RAB15: variants seen among roughly 807,000 people sequenced by gnomAD.
RAB15 encodes RAB15, member RAS oncogene family.
RAB15 carries 13 observed loss-of-function variants against 31.8 expected under a neutral mutation model. The ratio of observed to expected loss-of-function variants is 0.41; its 90% CI spans 0.27 to 0.65. The LOEUF is 0.65. Ranked by LOEUF, RAB15 falls within the 30% of genes least tolerant of loss-of-function variation. The pLI is 0.32. For synonymous variants in RAB15, 100 were observed against 105.6 expected, an observed-to-expected ratio of 0.95 and a Z score of 0.33; for missense variants, 220 against 277.3, an observed-to-expected ratio of 0.79 and a Z score of 1.47.
In RAB15 at chr14:64,950,564, A is replaced by G. The variant is rs913756137; in HGVS notation, c.325-150T>C. ...TGGATGCAGGTGCCAGGCTCCCCCA[A>G]GTGCCATGGCTGACCTCAAGGGTAT... On this transcript the variant is annotated intron_variant, in intron 4 of 6. Coordinates refer to ENST00000533601, the MANE Select transcript of RAB15 (RefSeq NM_001308154.2). The surrounding 1 kb of genome is among the most constrained non-coding windows in gnomAD (Gnocchi z 5.6). 2.8e-6 allele frequency: 2 copies of G among 720,718 alleles called. No homozygotes were observed. The highest frequency in any genetic ancestry group is 4.9e-6 in the Non-Finnish European group (2 of 404,692). The allele number at this position is 720,718 out of a possible 1,614,324, so 44.6% of individuals were successfully genotyped here.
chr14:64,971,722 G>C lies in RAB15; in HGVS notation c.124+231C>G, dbSNP rs756735384. On this transcript the variant is annotated intron_variant, in intron 1 of 6. Transcript: ENST00000533601. The surrounding 1 kb of genome is among the most constrained non-coding windows in gnomAD (Gnocchi z 4.1). ...GTTTCTCGGTTTGATGGGACGGAAG[G>C]CTTCCCGGCAAGAGGCGGGAGACCC... The C allele has an allele frequency of 1.6e-3, 868 of 556,598 alleles. 26 individuals are homozygous for C. Among genetic ancestry groups the C allele is most frequent in the Non-Finnish European group, 2.7e-4 (84 of 311,404 alleles). 34.5% of individuals were successfully genotyped at this position (556,598 alleles called of 1,614,324 possible).
chr14:64,962,448 T>G lies in RAB15; in HGVS notation c.124+9505A>C, dbSNP rs936837863. Among the ~76,000 whole-genome samples the G allele has an allele frequency of 1.3e-5, 2 of 152,198 alleles. No individual in the cohort carries two copies. The highest frequency in any genetic ancestry group is 2.4e-5 in the African/African-American group (1 of 41,452). On this transcript the variant is annotated intron_variant, in intron 1 of 6. Coordinates refer to ENST00000533601, the MANE Select transcript of RAB15 (RefSeq NM_001308154.2). This position sits in a 1 kb window ranked among gnomAD's most constrained non-coding sequence, Gnocchi z 4.2. The stretch of plus-strand genomic sequence containing the variant: ...AAAGATCCTTGTCATCAGAGCTTAA[T>G]TCTAGTGGGGAAGACAGATGTAAGT...
intron 1 of RAB15, among the ~76,000 whole-genome samples, chr14:64,956,187 G>A (rs1465413029): frequency 6.6e-6 from 1 of 152,158 alleles, no homozygotes; most frequent in Admixed American, 6.5e-5. Flanking sequence ...TGGATCACCT[G>A]AGGTCAGGAG....
rs1235908338 is a variant in RAB15 at position 64,954,298 on chromosome 14, G to A, written c.125-1727C>T. ...ATCAGGCCTTGGGAAGCAGGAGTAT[G>A]CTTATTTCTGCCTGGATCAACGGTT... On this transcript the variant is annotated intron_variant, in intron 1 of 6. Coordinates refer to ENST00000533601, the MANE Select transcript of RAB15 (RefSeq NM_001308154.2). This position sits in a 1 kb window ranked among gnomAD's most constrained non-coding sequence, Gnocchi z 4.3. 2 of 985,302 alleles carry A rather than the reference G, an allele frequency of 2.0e-6. No individual in the cohort carries two copies. The highest frequency in any genetic ancestry group is 2.4e-6 in the Non-Finnish European group (2 of 829,932). The allele number at this position is 985,302 out of a possible 1,614,324, so 61.0% of individuals were successfully genotyped here. A position where few individuals can be genotyped will look rare whatever the true frequency, so the allele number is the denominator to read the frequency against.
At position 64,945,915 on chromosome 14, in the gene RAB15, A is replaced by G. The variant is rs1272880380; in HGVS notation, c.*2439T>C. On this transcript the variant is annotated 3_prime_UTR_variant, in exon 7 of 7. Coordinates refer to ENST00000533601, the MANE Select transcript of RAB15 (RefSeq NM_001308154.2). ...ACCCGAGACACAGTACACGAAGTTC[A>G]CCCGTCACAGGGAGATAGTGGAGGC... 1 of 152,622 alleles carries G rather than the reference A, an allele frequency of 6.6e-6. No homozygotes were observed. Among genetic ancestry groups the G allele is most frequent in the Admixed American group, 6.5e-5 (1 of 15,272 alleles). The allele number at this position is 152,622 out of a possible 1,614,324, so 9.5% of individuals were successfully genotyped here.
intron 1 of RAB15, among the ~76,000 whole-genome samples, chr14:64,959,753 G>A (rs1344048789): frequency 6.8e-6 from 1 of 146,424 alleles, no homozygotes; most frequent in African/African-American, 2.6e-5. Context: ...TCCACCTGTG[G>A]TCCCAGCTAC....
rs561822006 is a variant in RAB15, at chr14:64,948,694, C to G, written c.454G>C (p.Ala152Pro). 6.2e-7 allele frequency: 1 copy of G among 1,614,140 alleles called. No individual in the cohort carries two copies. Among genetic ancestry groups the G allele is most frequent in the South Asian group, 1.1e-5 (1 of 91,080 alleles). Residue 152 changes from alanine to proline, a missense_variant, in exon 6 of 7, where the codon GCC (alanine) becomes CCC (proline). Transcript: ENST00000533601. This position sits in a 1 kb window ranked among gnomAD's most constrained non-coding sequence, Gnocchi z 7.0. The stretch of plus-strand genomic sequence containing the variant: ...TCTTTAATGTTGAGGTTGGTGCAGG[C>G]ACTTGTTTCATAGAAGTCCATGCCA... ...EYGMDFYETS[A>P]CTNLNIKESF...
Position 64,953,369 on chromosome 14 carries a change from A to C in RAB15, c.125-798T>G, listed in dbSNP as rs1480328080. Among the ~76,000 whole-genome samples the C allele has an allele frequency of 1.3e-5, 2 of 152,164 alleles. No individual in the cohort carries two copies. The highest frequency in any genetic ancestry group is 3.9e-4 in the East Asian group (2 of 5,190). ...CTGAGGAGGCCGGATGAGATACAGC[A>C]CCTGGCCCAATTGACTGCAGCTGTC... On this transcript the variant is annotated intron_variant, in intron 1 of 6. Coordinates refer to ENST00000533601, the MANE Select transcript of RAB15 (RefSeq NM_001308154.2). This position sits in a 1 kb window ranked among gnomAD's most constrained non-coding sequence, Gnocchi z 4.6.
chr14:64,953,883 A>G lies in RAB15; in HGVS notation c.125-1312T>C. 1.0e-6 allele frequency: 1 copy of G among 985,432 alleles called. No homozygotes were observed. The highest frequency in any genetic ancestry group is 1.2e-6 in the Non-Finnish European group (1 of 829,924). The allele number at this position is 985,432 out of a possible 1,614,324, so 61.0% of individuals were successfully genotyped here. On this transcript the variant is annotated intron_variant, in intron 1 of 6. Transcript: ENST00000533601. This position sits in a 1 kb window ranked among gnomAD's most constrained non-coding sequence, Gnocchi z 4.6. The stretch of plus-strand genomic sequence containing the variant: ...GTAGAGTTCCGAACCGTCTGCCACC[A>G]GCTGCACTGCCCGGCCCAGAAGGCC...
chr14:64,952,390 A>G lies in RAB15; in HGVS notation c.185+121T>C, dbSNP rs533952034. 1.3e-4 allele frequency: 95 copies of G among 722,940 alleles called. 2 individuals carry two copies. The South Asian group carries it at 1.5e-3, about 11-fold the overall frequency. 44.8% of individuals were successfully genotyped at this position (722,940 alleles called of 1,614,324 possible). On this transcript the variant is annotated intron_variant, in intron 2 of 6. Transcript: ENST00000533601. This position sits in a 1 kb window ranked among gnomAD's most constrained non-coding sequence, Gnocchi z 4.2. ...GGCTTCTGAGACTTCGCTTCCATCC[A>G]TCAGAGAGGTGGCCAGTTATCCCAG...
rs1163987130 is a variant in RAB15 at position 64,952,609 on chromosome 14, A to T, written c.125-38T>A. 1 of 1,483,968 alleles carries T rather than the reference A, an allele frequency of 6.7e-7. No homozygotes were observed. Among genetic ancestry groups the T allele is most frequent in the Non-Finnish European group, 9.4e-7 (1 of 1,067,188 alleles). 91.9% of individuals were successfully genotyped at this position (1,483,968 alleles called of 1,614,324 possible). A position where few individuals can be genotyped will look rare whatever the true frequency, so the allele number is the denominator to read the frequency against. ...AGAAAGAAAGAAAGTTAGAAAGCGT[A>T]CCCACGAGAAATGAACAGGAAAGGG... On this transcript the variant is annotated intron_variant, in intron 1 of 6. Transcript: ENST00000533601. The surrounding 1 kb of genome is among the most constrained non-coding windows in gnomAD (Gnocchi z 4.2).
Position 64,952,381 on chromosome 14 carries a change from C to A in RAB15, c.185+130G>T. ...GAAGAGATGGGCTTCTGAGACTTCG[C>A]TTCCATCCATCAGAGAGGTGGCCAG... On this transcript the variant is annotated intron_variant, in intron 2 of 6. Coordinates refer to ENST00000533601, the MANE Select transcript of RAB15 (RefSeq NM_001308154.2). This position sits in a 1 kb window ranked among gnomAD's most constrained non-coding sequence, Gnocchi z 4.2. 1 of 687,440 alleles carries A rather than the reference C, an allele frequency of 1.5e-6. No homozygotes were observed. Among genetic ancestry groups the A allele is most frequent in the African/African-American group, 1.8e-5 (1 of 55,268 alleles). 42.6% of individuals were successfully genotyped at this position (687,440 alleles called of 1,614,324 possible).
rs747767430 is a variant in RAB15, at chr14:64,968,153, C to G, written c.124+3800G>C. Among the ~76,000 whole-genome samples, 1 of 152,264 alleles carries G rather than the reference C, an allele frequency of 6.6e-6. No homozygotes were observed. The highest frequency in any genetic ancestry group is 1.9e-4 in the East Asian group (1 of 5,182). On this transcript the variant is annotated intron_variant, in intron 1 of 6. Coordinates refer to ENST00000533601, the MANE Select transcript of RAB15 (RefSeq NM_001308154.2). This position sits in a 1 kb window ranked among gnomAD's most constrained non-coding sequence, Gnocchi z 4.9. Reference sequence around the variant, plus strand: ...AAAACAATGAGGAATAAGATTTGGTCGCACCATCAAGGCACTTATAATTTG... The same window carrying G: ...AAAACAATGAGGAATAAGATTTGGTGGCACCATCAAGGCACTTATAATTTG...
At position 64,954,782 on chromosome 14, in the gene RAB15, G is replaced by A. The variant is rs1483934109; in HGVS notation, c.125-2211C>T. Among the ~76,000 whole-genome samples the A allele has an allele frequency of 2.0e-5, 3 of 152,240 alleles. No homozygotes were observed. Among genetic ancestry groups the A allele is most frequent in the Admixed American group, 6.5e-5 (1 of 15,284 alleles). ...TTCTTAGGGAAGCAAGAGGAGAGTC[G>A]TGTAGTTGGCTAGGCCTGGAAGCCC... On this transcript the variant is annotated intron_variant, in intron 1 of 6. Transcript: ENST00000533601. This position sits in a 1 kb window ranked among gnomAD's most constrained non-coding sequence, Gnocchi z 4.3.
At position 64,950,860 on chromosome 14, in the gene RAB15, G is replaced by T; in HGVS notation, c.324+214C>A. 1 of 930,558 alleles carries T rather than the reference G, an allele frequency of 1.1e-6. No homozygotes were observed. Among genetic ancestry groups the T allele is most frequent in the Non-Finnish European group, 1.7e-6 (1 of 599,362 alleles). 57.6% of individuals were successfully genotyped at this position (930,558 alleles called of 1,614,324 possible). On this transcript the variant is annotated intron_variant, in intron 4 of 6. Transcript: ENST00000533601. This position sits in a 1 kb window ranked among gnomAD's most constrained non-coding sequence, Gnocchi z 5.6. ...AAGACTTGGAACTAATTCATTTCCGGGAAAGACACAGCCGTGGAGGCCTGG... is the reference window on the plus strand; with the variant it reads ...AAGACTTGGAACTAATTCATTTCCGTGAAAGACACAGCCGTGGAGGCCTGG...
rs1429219769 is a variant in RAB15 at position 64,950,484 on chromosome 14, G to A, written c.325-70C>T. Reference sequence around the variant, plus strand: ...CCCCCCAATTTTCCCTACAGAGTCTGCACTGCCTCCAGCCCACCACCAATT... The same window carrying A: ...CCCCCCAATTTTCCCTACAGAGTCTACACTGCCTCCAGCCCACCACCAATT... On this transcript the variant is annotated intron_variant, in intron 4 of 6. Transcript: ENST00000533601. The surrounding 1 kb of genome is among the most constrained non-coding windows in gnomAD (Gnocchi z 5.6). 7.1e-6 allele frequency: 9 copies of A among 1,274,620 alleles called. No homozygotes were observed. The allele number at this position is 1,274,620 out of a possible 1,614,324, so 79.0% of individuals were successfully genotyped here.
At chr14:64,960,645 G>A (rs548344576) in intron 1 of RAB15, among the ~76,000 whole-genome samples, 3 of 152,222 alleles carry the variant, frequency 2.0e-5, no homozygotes, top group African/African-American at 7.2e-5. Flanking sequence ...ATAACACAGG[G>A]TCTGGCACGC....
rs988817300 is a variant in RAB15 at position 64,950,561 on chromosome 14, C to T, written c.325-147G>A. 1 of 730,244 alleles carries T rather than the reference C, an allele frequency of 1.4e-6. No homozygotes were observed. Among genetic ancestry groups the T allele is most frequent in the African/African-American group, 1.7e-5 (1 of 58,006 alleles). 45.2% of individuals were successfully genotyped at this position (730,244 alleles called of 1,614,324 possible). On this transcript the variant is annotated intron_variant, in intron 4 of 6. Coordinates refer to ENST00000533601, the MANE Select transcript of RAB15 (RefSeq NM_001308154.2). This position sits in a 1 kb window ranked among gnomAD's most constrained non-coding sequence, Gnocchi z 5.6. ...GACTGGATGCAGGTGCCAGGCTCCC[C>T]CAAGTGCCATGGCTGACCTCAAGGG...
intron 1 of RAB15, among the ~76,000 whole-genome samples, chr14:64,967,963 G>C (rs541471497): frequency 1.3e-5 from 2 of 152,208 alleles, no homozygotes; most frequent in East Asian, 3.9e-4. Flanking sequence ...CCTTCTTCCA[G>C]CCAACCTCAT....
Sources: gnomAD v4.1 joint callset for allele counts (sites outside exome capture counted in the v4.1 genomes callset) on GRCh38, gnomAD v4.1.1 for gene constraint, Gnocchi (gnomAD v3.1) non-coding constraint, MANE v1.5 for transcripts, NCBI Gene and HGNC (gene_info 2026-07-23, HGNC 2026-07-21) for gene names.